Variants in CPLX2 observed in about 807,000 individuals in gnomAD.
CPLX2 encodes the protein complexin-2.
A neutral mutation model predicts 16.3 loss-of-function variants in CPLX2; 5 were observed. That is an observed-to-expected ratio of 0.31 (90% CI 0.16 to 0.64). The LOEUF is 0.64. Ranked by LOEUF, CPLX2 falls within the 30% of genes least tolerant of loss-of-function variation. CPLX2 has a pLI of 0.79. For missense variants in CPLX2, 144 were observed against 181.4 expected, an observed-to-expected ratio of 0.79 and a Z score of 1.18; for synonymous variants, 89 against 73.2, an observed-to-expected ratio of 1.22 and a Z score of -1.10.
In CPLX2 at chr5:175,834,639, G is replaced by T. The variant is rs112106125; in HGVS notation, c.-89+25571G>T. On this transcript the variant is annotated intron_variant, in intron 2 of 4. Transcript: ENST00000359546. ...TGTAATCCCAGCACTTTGGCAGGCC[G>T]AAGTGGACAGATCACGAGGTCAGGA... Among the ~76,000 whole-genome samples the T allele has an allele frequency of 8.2e-3, 1,253 of 152,234 alleles. 10 individuals carry two copies. The highest frequency in any genetic ancestry group is 0.024 in the South Asian group (116 of 4,820).
upstream of CPLX2, among the ~76,000 whole-genome samples, chr5:175,867,379 T>G (rs1300187099): frequency 1.3e-5 from 2 of 152,166 alleles, no homozygotes; most frequent in Non-Finnish European, 2.9e-5. Flanking sequence ...CATTTCATAC[T>G]GATGGTAACA....
At chr5:175,871,476 A>AGAGAGAGG (rs1759615749), upstream of CPLX2, 2 of 148,274 alleles carry the variant, frequency 1.3e-5, no homozygotes, top group South Asian at 2.2e-4. Flanking sequence ...AGAGAGAGAG[A>AGAGAGAGG]GAGAGAGAGA....
intron 1 of CPLX2, chr5:175,878,067 T>C (rs1376227569): frequency 6.6e-6 from 1 of 152,266 alleles, no homozygotes; most frequent in East Asian, 1.9e-4. Flanking sequence ...GTATTTTCCA[T>C]TTGTCTAATT....
rs368342023 is a variant in CPLX2 at position 175,880,335 on chromosome 5, C to G, written c.*290C>G. On this transcript the variant is annotated 3_prime_UTR_variant, in exon 4 of 4. Coordinates refer to ENST00000393745, the MANE Select transcript of CPLX2 (RefSeq NM_001008220.2). ...CTAAGGTCGTGCTAGTGTGGTGACC[C>G]CCATACATTCCTCCCTGCTCCCCAC... is the stretch of plus-strand genomic sequence containing the variant. 26 of 467,076 alleles carry G rather than the reference C, an allele frequency of 5.6e-5. No individual in the cohort carries two copies. The East Asian group carries it at 1.1e-3, about 21-fold the overall frequency. 28.9% of individuals were successfully genotyped at this position (467,076 alleles called of 1,614,324 possible).
intron 1 of CPLX2, among the ~76,000 whole-genome samples, chr5:175,799,414 CT>C (rs1233928953): frequency 1.3e-5 from 2 of 151,776 alleles, no homozygotes; most frequent in Admixed American, 6.6e-5. Context: ...ATCCCATTTT[CT>C]TCTCTAGCTC....
At chr5:175,873,352 C>A (rs1359310408) in intron 1 of CPLX2, among the ~76,000 whole-genome samples, 2 of 151,902 alleles carry the variant, frequency 1.3e-5, no homozygotes, top group Non-Finnish European at 2.9e-5. Flanking sequence ...AACGCACACA[C>A]CCTCATGCAC....
chr5:175,875,693 G>A (rs1313304828), intron 1 of CPLX2, among the ~76,000 whole-genome samples: 2 of 152,118 alleles, frequency 1.3e-5, no homozygotes, highest in Non-Finnish European at 2.9e-5. Flanking sequence ...TGAGAAGGAA[G>A]AGGCAGTAGC....
chr5:175,842,614 G>A (rs1295243114), intron 2 of CPLX2, among the ~76,000 whole-genome samples: 1 of 152,200 alleles, frequency 6.6e-6, no homozygotes, highest in Non-Finnish European at 1.5e-5. Flanking sequence ...ACGGCCATGG[G>A]GCCTGCACTC....
At chr5:175,874,056 TGAA>T (rs758847261) in intron 1 of CPLX2, among the ~76,000 whole-genome samples, 37 of 152,144 alleles carry the variant, frequency 2.4e-4, no homozygotes, top group Non-Finnish European at 4.9e-4. Flanking sequence ...GTGCAGGCCT[TGAA>T]GGTCAGCACA....
rs942542905 is a variant in CPLX2, at chr5:175,809,225, G to T, written c.-89+157G>T. The T allele has an allele frequency of 3.9e-5, 6 of 152,320 alleles. No homozygotes were observed. The highest frequency in any genetic ancestry group is 1.4e-4 in the African/African-American group (6 of 41,472). 9.4% of individuals were successfully genotyped at this position (152,320 alleles called of 1,614,324 possible). A position where few individuals can be genotyped will look rare whatever the true frequency, so the allele number is the denominator to read the frequency against. ...ATCAGTTGGGCAGTGTGATGGAATG[G>T]TGTTTACCTTGCATGTTCAGAGCCG... On this transcript the variant is annotated intron_variant, in intron 2 of 4. Transcript: ENST00000359546. This position sits in a 1 kb window ranked among gnomAD's most constrained non-coding sequence, Gnocchi z 4.4.
At chr5:175,869,894 C>T (rs1309241281), upstream of CPLX2, among the ~76,000 whole-genome samples, 1 of 152,192 alleles carries the variant, frequency 6.6e-6, no homozygotes, top group Non-Finnish European at 1.5e-5. Context: ...AAAAGCAATA[C>T]CAGTTGTGGA....
At chr5:175,862,773 T>C (rs1472093270) in intron 2 of CPLX2, among the ~76,000 whole-genome samples, 1 of 152,238 alleles carries the variant, frequency 6.6e-6, no homozygotes, top group Non-Finnish European at 1.5e-5. Context: ...TGGCCCTCTC[T>C]GCTCATGTGC....
At chr5:175,837,310 T>C (rs1235578027) in intron 2 of CPLX2, among the ~76,000 whole-genome samples, 1 of 152,204 alleles carries the variant, frequency 6.6e-6, no homozygotes, top group Non-Finnish European at 1.5e-5. Context: ...AATTGGAAAC[T>C]GGAGCCTTGA....
At position 175,845,387 on chromosome 5, in the gene CPLX2, C is replaced by A. The variant is rs1285426318; in HGVS notation, c.-88-33265C>A. Among the ~76,000 whole-genome samples, 2 of 152,214 alleles carry A rather than the reference C, an allele frequency of 1.3e-5. No homozygotes were observed. Among genetic ancestry groups the A allele is most frequent in the East Asian group, 3.9e-4 (2 of 5,186 alleles). On this transcript the variant is annotated intron_variant, in intron 2 of 4. Transcript: ENST00000359546. The surrounding 1 kb of genome is among the most constrained non-coding windows in gnomAD (Gnocchi z 4.0). ...CTCTGCCCCTGCTCCCACACTGCAG[C>A]CACATGGCCTTTGGTCTATTGCTCC...
intron 2 of CPLX2, among the ~76,000 whole-genome samples, chr5:175,847,242 G>C (rs1759059705): frequency 6.6e-6 from 1 of 152,210 alleles, no homozygotes; most frequent in Admixed American, 6.5e-5. Context: ...ACCAGGTTGA[G>C]TTGGAGGAGC....
intron 2 of CPLX2, chr5:175,861,853 C>G (rs1458198076): frequency 6.6e-6 from 1 of 152,238 alleles, no homozygotes; most frequent in Non-Finnish European, 1.5e-5. Context: ...GACTAACTCT[C>G]TAACAAAGAG....
In CPLX2 at chr5:175,820,756, A is replaced by G. The variant is rs184627035; in HGVS notation, c.-89+11688A>G. Among the ~76,000 whole-genome samples the G allele has an allele frequency of 5.2e-3, 787 of 152,254 alleles. 11 individuals are homozygous for G. Among genetic ancestry groups the G allele is most frequent in the African/African-American group, 0.018 (755 of 41,532 alleles). Reference sequence around the variant, plus strand: ...CATGAGCATCTCCAGGCACTGTGCTAGGCACCAAGAGGCCCACCAGCTCCC... The same window carrying G: ...CATGAGCATCTCCAGGCACTGTGCTGGGCACCAAGAGGCCCACCAGCTCCC... On this transcript the variant is annotated intron_variant, in intron 2 of 4. Coordinates refer to the CPLX2 transcript ENST00000359546.
chr5:175,842,190 G>A (rs1279130269), intron 2 of CPLX2, among the ~76,000 whole-genome samples: 1 of 152,214 alleles, frequency 6.6e-6, no homozygotes, highest in Non-Finnish European at 1.5e-5. Context: ...AGAGCTGTGG[G>A]TGCCAGCAGG....
chr5:175,805,080 T>C (rs1408947629), intron 1 of CPLX2, among the ~76,000 whole-genome samples: 1 of 152,242 alleles, frequency 6.6e-6, no homozygotes, highest in Non-Finnish European at 1.5e-5. Context: ...AAGCATTCGG[T>C]AAACTCTTGC....
Sources: allele counts gnomAD v4.1 joint callset (sites outside exome capture counted in the v4.1 genomes callset), GRCh38; gene constraint gnomAD v4.1.1; non-coding constraint Gnocchi (gnomAD v3.1); transcripts MANE v1.5; gene names NCBI Gene and HGNC (gene_info 2026-07-23, HGNC 2026-07-21).